Variants in NMNAT1 observed in about 807,000 individuals in gnomAD.
NMNAT1 encodes the protein nicotinamide/nicotinic acid mononucleotide adenylyltransferase 1.
In NMNAT1, 11 loss-of-function variants were observed where a neutral mutation model predicts 16.7. The observed-to-expected ratio is 0.66, with a 90% confidence interval of 0.41 to 1.09. The LOEUF (loss-of-function observed/expected upper bound fraction) is 1.09. NMNAT1 is among the 50% of genes least tolerant of loss of function. NMNAT1 has a pLI of 0.00. For missense variants in NMNAT1, 280 were observed against 332.3 expected, an observed-to-expected ratio of 0.84 and a Z score of 1.22; for synonymous variants, 110 against 119.8, an observed-to-expected ratio of 0.92 and a Z score of 0.53.
At chr1:9,982,051 C>T (rs1216931250) in intron 4 of NMNAT1, among the ~76,000 whole-genome samples, 3 of 152,056 alleles carry the variant, frequency 2.0e-5, no homozygotes, top group Admixed American at 1.3e-4. Context: ...TTAGTAGAAA[C>T]GGTATTTCAC....
chr1:9,973,539 C>G (rs1326267546), intron 2 of NMNAT1, among the ~76,000 whole-genome samples: 1 of 150,650 alleles, frequency 6.6e-6, no homozygotes, highest in African/African-American at 2.4e-5. Flanking sequence ...AACCCCATCT[C>G]TACTAAAAAT....
At chr1:9,952,835 G>T (rs147845774) in intron 1 of NMNAT1, among the ~76,000 whole-genome samples, 1 of 151,898 alleles carries the variant, frequency 6.6e-6, no homozygotes, top group African/African-American at 2.4e-5. Flanking sequence ...CACCACGCTC[G>T]GCTAGAAACA....
intron 3 of NMNAT1, among the ~76,000 whole-genome samples, chr1:9,978,915 G>A (rs767128319): frequency 5.9e-5 from 9 of 152,136 alleles, no homozygotes; most frequent in Non-Finnish European, 8.8e-5. Flanking sequence ...TCTCCTTGGC[G>A]TTCTGGTTCT....
chr1:9,994,080 A>G, the NMNAT1 span, among the ~76,000 whole-genome samples: 3 of 150,450 alleles, frequency 2.0e-5, no homozygotes, highest in Non-Finnish European at 4.4e-5. Flanking sequence ...AATAATACAC[A>G]TAGCACTCAA....
chr1:9,943,317 T>C, upstream of NMNAT1: 1 of 153,926 alleles, frequency 6.5e-6, no homozygotes, highest in Non-Finnish European at 1.5e-5. Context: ...CGCCCGCCAG[T>C]CCCAGAGTTT....
intron 1 of NMNAT1, among the ~76,000 whole-genome samples, chr1:9,963,502 C>T (rs1346264695): frequency 6.6e-6 from 1 of 151,888 alleles, no homozygotes; most frequent in African/African-American, 2.4e-5. Flanking sequence ...CTCCATCTCC[C>T]GGGTTCAAAC....
downstream of NMNAT1, among the ~76,000 whole-genome samples, chr1:9,989,924 G>A (rs886861746): frequency 3.3e-5 from 5 of 152,148 alleles, no homozygotes; most frequent in African/African-American, 1.2e-4. Flanking sequence ...ACAAAGTTTT[G>A]CTCCTTCAGG....
intron 4 of NMNAT1, 39 bp from the exon 5 acceptor site, chr1:9,982,262 G>A: frequency 6.4e-7 from 1 of 1,556,896 alleles, no homozygotes; most frequent in South Asian, 1.2e-5. Context: ...TAGAGGGGAA[G>A]AAAAAGCATA....
At chr1:9,988,304 T>C (rs975750327), downstream of NMNAT1, among the ~76,000 whole-genome samples, 2 of 152,026 alleles carry the variant, frequency 1.3e-5, no homozygotes, top group East Asian at 3.9e-4. Flanking sequence ...CAAAGTAGTA[T>C]TTTATTTAAC....
downstream of NMNAT1, among the ~76,000 whole-genome samples, chr1:9,987,367 G>A (rs964262231): frequency 6.6e-6 from 1 of 151,908 alleles, no homozygotes. Flanking sequence ...GCAGCAGGGC[G>A]CAGTGGCTCA....
the NMNAT1 span, among the ~76,000 whole-genome samples, chr1:9,994,833 T>C: frequency 1.8e-4 from 28 of 151,794 alleles, no homozygotes; most frequent in Admixed American, 1.6e-3. Flanking sequence ...AGGAAGGTCT[T>C]GATCTCCTGA....
At chr1:9,957,489 T>C (rs1570684824) in intron 1 of NMNAT1, among the ~76,000 whole-genome samples, 1 of 150,562 alleles carries the variant, frequency 6.6e-6, no homozygotes, top group African/African-American at 2.5e-5. Context: ...GAGAGTGGGC[T>C]TCACCATGTT....
chr1:9,947,050 C>T (rs1403274183), intron 1 of NMNAT1, among the ~76,000 whole-genome samples: 1 of 152,114 alleles, frequency 6.6e-6, no homozygotes, highest in African/African-American at 2.4e-5. Context: ...TATGTCTGTA[C>T]CTCTCCCCTG....
chr1:9,961,494 C>T (rs1003592375), intron 1 of NMNAT1, among the ~76,000 whole-genome samples: 2 of 152,076 alleles, frequency 1.3e-5, no homozygotes, highest in African/African-American at 4.8e-5. Context: ...ATGGGCATGT[C>T]GCATTCATCA....
At position 9,984,752 on chromosome 1, in the gene NMNAT1, G is replaced by A. The variant is rs1392846089; in HGVS notation, c.*2051G>A. 6.6e-6 allele frequency: 1 copy of A among 152,170 alleles called. No homozygotes were observed. The highest frequency in any genetic ancestry group is 1.5e-5 in the Non-Finnish European group (1 of 68,032). The allele number at this position is 152,170 out of a possible 1,614,324, so 9.4% of individuals were successfully genotyped here. A position where few individuals can be genotyped will look rare whatever the true frequency, so the allele number is the denominator to read the frequency against. On this transcript the variant is annotated 3_prime_UTR_variant, in exon 5 of 5. Coordinates refer to ENST00000377205, the MANE Select transcript of NMNAT1 (RefSeq NM_022787.4). ...TTTGAAAGTGGCAAACAAACCTGCA[G>A]TAAAAGTCCTTGATTGGCATCTTCA...
intron 1 of NMNAT1, among the ~76,000 whole-genome samples, chr1:9,954,274 G>A (rs1641195946): frequency 6.6e-6 from 1 of 151,862 alleles, no homozygotes. Flanking sequence ...GGAGTGCAAT[G>A]ACATGACTCA....
rs202094025 is a variant in NMNAT1, at chr1:9,973,126, C to CT, written c.115+946dup. Among the ~76,000 whole-genome samples the CT allele has an allele frequency of 6.1e-3, 930 of 151,864 alleles. 10 individuals carry two copies. The highest frequency in any genetic ancestry group is 0.021 in the African/African-American group (858 of 41,436). On this transcript the variant is annotated intron_variant, in intron 2 of 4. Coordinates refer to ENST00000377205, the MANE Select transcript of NMNAT1 (RefSeq NM_022787.4). ...AGTTTTCTTTTTTCTTTCTTTCTTT[C>CT]TTTTTTTTGAGATGGACTTCACTCT... is the stretch of plus-strand genomic sequence containing the variant.
the NMNAT1 span, among the ~76,000 whole-genome samples, chr1:9,994,330 C>T: frequency 2.6e-5 from 4 of 152,012 alleles, no homozygotes; most frequent in Non-Finnish European, 5.9e-5. Flanking sequence ...CCAGGCTTGT[C>T]TCAAACTCCT....
chr1:9,982,229 A>C, intron 4 of NMNAT1, 72 bp from the exon 5 acceptor site: 1 of 1,505,994 alleles, frequency 6.6e-7, no homozygotes, highest in Non-Finnish European at 8.9e-7. Flanking sequence ...TAGAAAAGTA[A>C]ACCCCTTTCC....
Sources: gnomAD v4.1 joint callset for allele counts (sites outside exome capture counted in the v4.1 genomes callset) on GRCh38, gnomAD v4.1.1 for gene constraint, MANE v1.5 for transcripts, NCBI Gene and HGNC (gene_info 2026-07-23, HGNC 2026-07-21) for gene names.